DNAH7: variants seen among roughly 807,000 people sequenced by gnomAD.
The protein encoded by DNAH7 is axonemal beta dynein heavy chain 7.
Under a neutral mutation model 444.6 loss-of-function variants are expected in DNAH7, and 397 were observed. The ratio of observed to expected loss-of-function variants is 0.89; its 90% CI spans 0.82 to 0.97. The LOEUF (loss-of-function observed/expected upper bound fraction) is 0.97. Among genes scored for constraint, DNAH7 ranks in the 50% least tolerant of loss-of-function variants. The pLI, the probability that DNAH7 is intolerant of heterozygous loss-of-function variation, is 0.00. For missense variants in DNAH7, 4,902 were observed against 4,800.8 expected (o/e 1.02, Z -0.62); for synonymous variants, 1,636 against 1,624.4 (o/e 1.01, Z -0.17).
rs566444717 is a variant in DNAH7, at chr2:195,897,167, C to T, written c.4647+500G>A. The stretch of plus-strand genomic sequence containing the variant: ...GAAAACTTTAACCATTATTCTAATA[C>T]TTCCTCTCAATTACTCATAATCTTA... On this transcript the variant is annotated intron_variant, in intron 29 of 64. Coordinates refer to ENST00000312428, the MANE Select transcript of DNAH7 (RefSeq NM_018897.3). Among the ~76,000 whole-genome samples the T allele has an allele frequency of 3.0e-3, 454 of 152,242 alleles. 3 individuals carry two copies. The highest frequency in any genetic ancestry group is 0.011 in the African/African-American group (437 of 41,558).
chr2:195,744,516 G>A (rs1269297926), intron 63 of DNAH7, among the ~76,000 whole-genome samples: 1 of 152,200 alleles, frequency 6.6e-6, no homozygotes, highest in African/African-American at 2.4e-5. Context: ...CTCCCAGCAT[G>A]CATCCGGAGA....
intron 57 of DNAH7, among the ~76,000 whole-genome samples, chr2:195,793,917 A>G (rs183685229): frequency 6.6e-6 from 1 of 152,294 alleles, no homozygotes; most frequent in African/African-American, 2.4e-5. Flanking sequence ...CCCATCAATC[A>G]AGAAGTAAAA....
At chr2:195,873,462 T>C (rs565368458) in intron 39 of DNAH7, 106 bp downstream of exon 39, 2 of 725,176 alleles carry the variant, frequency 2.8e-6, no homozygotes, top group South Asian at 4.3e-5. Context: ...AACTTTTCCT[T>C]ATCTAGGAAT....
chr2:195,738,112 A>G lies in DNAH7; in HGVS notation c.11884T>C (p.Cys3962Arg). The change falls in exon 65 of 65, where the codon TGT becomes CGT. Residue 3962 changes from cysteine to arginine, a missense_variant. Coordinates refer to ENST00000312428, the MANE Select transcript of DNAH7 (RefSeq NM_018897.3). ...CGTTTTGGTATATCTGCCCTCTTACAGGGCTTTAGCCACATCTGGAAGAAA... is the reference window on the plus strand; with the variant it reads ...CGTTTTGGTATATCTGCCCTCTTACGGGGCTTTAGCCACATCTGGAAGAAA... ...DTVPVMWLKP[C>R]KRADIPKRPS... The G allele has an allele frequency of 6.2e-7, 1 of 1,613,822 alleles. No individual in the cohort carries two copies. The highest frequency in any genetic ancestry group is 1.1e-5 in the South Asian group (1 of 91,072).
intron 17 of DNAH7, among the ~76,000 whole-genome samples, chr2:195,966,014 G>A (rs767751685): frequency 1.3e-5 from 2 of 151,266 alleles, no homozygotes; most frequent in Non-Finnish European, 3.0e-5. Flanking sequence ...GTTTACTCTT[G>A]CTTTTCTAGT....
intron 15 of DNAH7, among the ~76,000 whole-genome samples, chr2:195,983,445 T>C (rs999812709): frequency 6.6e-6 from 1 of 152,050 alleles, no homozygotes; most frequent in Non-Finnish European, 1.5e-5. Flanking sequence ...CAAAGGGTAA[T>C]GTGACACATG....
chr2:195,787,851 T>C (rs1291785259), intron 57 of DNAH7, among the ~76,000 whole-genome samples: 2 of 151,942 alleles, frequency 1.3e-5, no homozygotes, highest in Non-Finnish European at 2.9e-5. Flanking sequence ...GCCCATCCAG[T>C]GGGAATCCCA....
chr2:195,823,393 T>C lies in DNAH7; in HGVS notation c.9291+862A>G, dbSNP rs184554003. Among the ~76,000 whole-genome samples, 4 of 152,296 alleles carry C rather than the reference T, an allele frequency of 2.6e-5. No homozygotes were observed. In the East Asian group the frequency reaches 5.8e-4, roughly 22 times the overall value. Reference sequence around the variant, plus strand: ...GGTCACTTTGCATACACATTATTTATAAGATAGACCTCTGGAGAGCAGGGA... The same window carrying C: ...GGTCACTTTGCATACACATTATTTACAAGATAGACCTCTGGAGAGCAGGGA... On this transcript the variant is annotated intron_variant, in intron 49 of 64. Transcript: ENST00000312428.
intron 48 of DNAH7, among the ~76,000 whole-genome samples, chr2:195,833,419 C>T (rs1203415163): frequency 6.6e-6 from 1 of 152,124 alleles, no homozygotes; most frequent in Non-Finnish European, 1.5e-5. Flanking sequence ...GTAAGACTAC[C>T]TGGAATATTT....
chr2:195,941,076 T>A (rs1442544016), intron 19 of DNAH7, among the ~76,000 whole-genome samples: 1 of 152,152 alleles, frequency 6.6e-6, no homozygotes, highest in Non-Finnish European at 1.5e-5. Flanking sequence ...AGCACACGTA[T>A]GTTTATTGCG....
chr2:195,988,683 T>C (rs1180657563), intron 12 of DNAH7, among the ~76,000 whole-genome samples: 1 of 152,160 alleles, frequency 6.6e-6, no homozygotes, highest in African/African-American at 2.4e-5. Context: ...TTCTTTGTAG[T>C]AAAAATACTC....
chr2:195,948,903 T>C (rs2125468461), intron 19 of DNAH7, among the ~76,000 whole-genome samples: 1 of 152,364 alleles, frequency 6.6e-6, no homozygotes, highest in African/African-American at 2.4e-5. Context: ...ATTTTCACGA[T>C]ACTGATTCTT....
chr2:195,960,424 A>ACT lies in DNAH7; in HGVS notation c.2726_2727insAG (p.Thr910ValfsTer55). 6.2e-7 allele frequency: 1 copy of ACT among 1,614,194 alleles called. No individual in the cohort carries two copies. The highest frequency in any genetic ancestry group is 8.5e-7 in the Non-Finnish European group (1 of 1,180,016). ...CAAATTCCACTGCATCCCACTCAGT[A>ACT]ATCATCTTCTCCATCGCCTTTTCAA... On this transcript the variant is annotated frameshift_variant, in exon 18 of 65. Coordinates refer to ENST00000312428, the MANE Select transcript of DNAH7 (RefSeq NM_018897.3). LOFTEE classifies it high-confidence loss of function.
intron 24 of DNAH7, among the ~76,000 whole-genome samples, chr2:195,920,599 C>A (rs1433336605): frequency 5.9e-5 from 9 of 152,166 alleles, no homozygotes; most frequent in Non-Finnish European, 1.3e-4. Flanking sequence ...AATCTAAGAC[C>A]TGAAACCATA....
chr2:196,028,090 C>G (rs761074008), intron 5 of DNAH7, 43 bp from the exon 6 acceptor site: 17 of 1,502,512 alleles, frequency 1.1e-5, no homozygotes, highest in Admixed American at 1.8e-5. Flanking sequence ...AGATAAGGGG[C>G]AGTTAGAACA....
chr2:196,011,921 A>T (rs1404922761), intron 10 of DNAH7, among the ~76,000 whole-genome samples: 1 of 152,150 alleles, frequency 6.6e-6, no homozygotes, highest in Non-Finnish European at 1.5e-5. Context: ...CTTCTCTGTA[A>T]TTAATTATGG....
intron 60 of DNAH7, among the ~76,000 whole-genome samples, chr2:195,772,304 A>G (rs185605219): frequency 1.8e-4 from 28 of 152,298 alleles, no homozygotes; most frequent in Admixed American, 1.8e-3. Context: ...GCCACAAAAT[A>G]TATTTGCCAA....
chr2:195,872,042 C>T (rs995179318), intron 40 of DNAH7, among the ~76,000 whole-genome samples: 1 of 145,552 alleles, frequency 6.9e-6, no homozygotes, highest in South Asian at 2.3e-4. Flanking sequence ...ATTCCTAAAT[C>T]TGCATATGGG....
chr2:195,748,677 C>T lies in DNAH7; in HGVS notation c.11764+5660G>A, dbSNP rs143654297. ...AACAGAACAGAGCCCTCAGAAATAA[C>T]GCCGCTTATCTACAACTATCTGATC... On this transcript the variant is annotated intron_variant, in intron 63 of 64. Transcript: ENST00000312428. 0.019 allele frequency among the ~76,000 whole-genome samples: 2,941 copies of T among 152,174 alleles called. 228 individuals are homozygous for T. The East Asian group carries it at 0.26, about 13-fold the overall frequency.
Sources: gnomAD v4.1 joint callset for allele counts (sites outside exome capture counted in the v4.1 genomes callset) on GRCh38, gnomAD v4.1.1 for gene constraint, MANE v1.5 for transcripts, NCBI Gene and HGNC (gene_info 2026-07-23, HGNC 2026-07-21) for gene names.